Variants in HECA observed in about 807,000 individuals in gnomAD.
The protein encoded by HECA is headcase protein homolog.
Under a neutral mutation model 37.6 loss-of-function variants are expected in HECA, and 13 were observed. The observed-to-expected ratio is 0.35, with a 90% confidence interval of 0.23 to 0.55. The LOEUF (loss-of-function observed/expected upper bound fraction) is 0.55, where lower values mean the gene tolerates loss of function less well. Ranked by LOEUF, HECA falls within the 20% of genes least tolerant of loss-of-function variation. The pLI, the probability that HECA is intolerant of heterozygous loss-of-function variation, is 0.90. For synonymous variants in HECA, 307 were observed against 291.5 expected (o/e 1.05, Z -0.54); for missense variants, 527 against 701.9 (o/e 0.75, Z 2.82).
At chr6:139,165,891 G>T (rs73774996) in intron 1 of HECA, 3,236 of 165,096 alleles carry the variant, frequency 0.02, 120 homozygotes, top group African/African-American at 0.073. Context: ...AAGAATTCTG[G>T]TTTTTTCCTT....
In HECA at chr6:139,176,865, C is replaced by A; in HGVS notation, c.1468-76C>A. On this transcript the variant is annotated intron_variant, in intron 3 of 3. Transcript: ENST00000367658. This position sits in a 1 kb window ranked among gnomAD's most constrained non-coding sequence, Gnocchi z 4.5. ...GCAAAGCCCTTGATCAGTTTCCCAGCATTTTGGTTTGGATGACTTTGACAA... is the reference window on the plus strand; with the variant it reads ...GCAAAGCCCTTGATCAGTTTCCCAGAATTTTGGTTTGGATGACTTTGACAA... 3.8e-6 allele frequency: 3 copies of A among 780,206 alleles called. No homozygotes were observed. The highest frequency in any genetic ancestry group is 1.9e-5 in the Admixed American group (1 of 51,380). The allele number at this position is 780,206 out of a possible 1,614,324, so 48.3% of individuals were successfully genotyped here.
In HECA at chr6:139,167,009, AG is replaced by A. The variant is rs771658394; in HGVS notation, c.1004del (p.Gly335AspfsTer27). Reference protein sequence around the residue: ...DYSPAGLAVHRGGHFDTPVQF... With the variant: ...DYSPAGLAVHXGGHFDTPVQF... ...CAGCCCTGCGGGGTTGGCAGTTCAC[AG>A]GGGGGGACACTTCGACACCCCCGTG... On this transcript the variant is annotated frameshift_variant, in exon 2 of 4. Coordinates refer to ENST00000367658, the MANE Select transcript of HECA (RefSeq NM_016217.3). LOFTEE classifies it high-confidence loss of function. The A allele has an allele frequency of 1.9e-6, 3 of 1,613,992 alleles. No individual in the cohort carries two copies. Among genetic ancestry groups the A allele is most frequent in the African/African-American group, 1.3e-5 (1 of 74,924 alleles).
intron 1 of HECA, among the ~76,000 whole-genome samples, chr6:139,148,117 T>A (rs781382972): frequency 1.3e-5 from 2 of 152,224 alleles, no homozygotes; most frequent in Non-Finnish European, 2.9e-5. Flanking sequence ...TTTTGTCCAT[T>A]TTACTAATAG....
At chr6:139,175,581 T>C (rs1449559455) in intron 3 of HECA, among the ~76,000 whole-genome samples, 2 of 152,208 alleles carry the variant, frequency 1.3e-5, no homozygotes, top group Non-Finnish European at 2.9e-5. Context: ...GAAAGAACTT[T>C]TGAGCCTGTT....
At chr6:139,157,710 A>G (rs1293997236) in intron 1 of HECA, among the ~76,000 whole-genome samples, 1 of 152,222 alleles carries the variant, frequency 6.6e-6, no homozygotes, top group Non-Finnish European at 1.5e-5. Context: ...CAAGAGTAAT[A>G]TAGAGGGCTG....
chr6:139,164,987 C>T (rs985728911), intron 1 of HECA, among the ~76,000 whole-genome samples: 1 of 152,142 alleles, frequency 6.6e-6, no homozygotes, highest in Non-Finnish European at 1.5e-5. Context: ...ATAAAAATAT[C>T]CCAAGCTGTG....
chr6:139,167,288 G>T lies in HECA; in HGVS notation c.1276G>T (p.Asp426Tyr). ...TTTGTTCCTAAGCCCGTCGAGACAT[G>T]ATGAGATCGAATATGATGTTCCTTG... is the stretch of plus-strand genomic sequence containing the variant. ...GTLFLSPSRH[D>Y]EIEYDVPCHL... The change falls in exon 2 of 4, where the codon GAT becomes TAT. Residue 426 changes from aspartate (D) to tyrosine (Y), a missense_variant. By Grantham distance (160) the Asp-to-Tyr change is radical (BLOSUM62 -3). Coordinates refer to ENST00000367658, the MANE Select transcript of HECA (RefSeq NM_016217.3). 1 of 1,607,914 alleles carries T rather than the reference G, an allele frequency of 6.2e-7. No individual in the cohort carries two copies. The highest frequency in any genetic ancestry group is 8.5e-7 in the Non-Finnish European group (1 of 1,174,952).
chr6:139,161,331 G>A (rs965938903), intron 1 of HECA, among the ~76,000 whole-genome samples: 2 of 152,080 alleles, frequency 1.3e-5, no homozygotes, highest in African/African-American at 4.8e-5. Context: ...CTACCCACAA[G>A]GCCACATCAA....
rs543701720 is a variant in HECA, at chr6:139,157,148, C to T, written c.272-9136C>T. Among the ~76,000 whole-genome samples the T allele has an allele frequency of 1.2e-4, 18 of 152,320 alleles. No individual in the cohort carries two copies. In the South Asian group the frequency reaches 2.9e-3, roughly 25 times the overall value. On this transcript the variant is annotated intron_variant, in intron 1 of 3. Coordinates refer to ENST00000367658, the MANE Select transcript of HECA (RefSeq NM_016217.3). ...CCCCTTTTTAGACCATATAGGGTAA[C>T]TTCCTGACGTTGCCATGGCATTTGT...
chr6:139,166,051 A>T (rs925050313), intron 1 of HECA: 1 of 447,882 alleles, frequency 2.2e-6, no homozygotes, highest in South Asian at 4.6e-5. Context: ...CCTAAAGCTC[A>T]GGATGAAGGG....
chr6:139,175,810 C>G (rs996353067), intron 3 of HECA, among the ~76,000 whole-genome samples: 23 of 152,176 alleles, frequency 1.5e-4, no homozygotes, highest in African/African-American at 5.5e-4. Context: ...AAAAACAGAA[C>G]AGCATCCTGC....
rs751564590 is a variant in HECA at position 139,166,736 on chromosome 6, C to T, written c.724C>T (p.Arg242Trp). ...AGGCCCAAGCCACGACCTCCCCCGC[C>T]GGCATTCCATGGACCGGCAGAACTC... ...QKGPSHDLPR[R>W]HSMDRQNSQE... The change falls in exon 2 of 4, where the codon CGG becomes TGG. Residue 242 changes from arginine to tryptophan, a missense_variant. Physicochemically the swap from Arg to Trp is moderately radical, Grantham distance 101. Around this residue, in one of 4 missense-constraint regions of HECA, gnomAD observed 228 missense variants for 259.8 expected, o/e 0.88. Transcript: ENST00000367658. 1.5e-5 allele frequency: 24 copies of T among 1,613,040 alleles called. No homozygotes were observed. The highest frequency in any genetic ancestry group is 1.9e-5 in the Non-Finnish European group (23 of 1,179,632).
intron 1 of HECA, chr6:139,150,956 A>G (rs1774642869): frequency 6.6e-6 from 1 of 152,244 alleles, no homozygotes; most frequent in Admixed American, 6.5e-5. Context: ...GTGAACTGCT[A>G]GTTCACAACA....
intron 3 of HECA, among the ~76,000 whole-genome samples, chr6:139,175,462 T>C (rs909140769): frequency 6.6e-6 from 1 of 152,230 alleles, no homozygotes; most frequent in African/African-American, 2.4e-5. Flanking sequence ...CATTTTATGA[T>C]AGTTATTGTG....
chr6:139,142,365 ATC>A (rs907262662), intron 1 of HECA, among the ~76,000 whole-genome samples: 7 of 152,288 alleles, frequency 4.6e-5, no homozygotes, highest in African/African-American at 1.7e-4. Context: ...GACTTGCTAT[ATC>A]CAAGGATTAT....
In HECA at chr6:139,171,940, C is replaced by T. The variant is rs144175935; in HGVS notation, c.1313-2445C>T. Among the ~76,000 whole-genome samples the T allele has an allele frequency of 4.0e-3, 612 of 151,944 alleles. 2 individuals are homozygous for T. Among genetic ancestry groups the T allele is most frequent in the Middle Eastern group, 0.014 (4 of 294 alleles). On this transcript the variant is annotated intron_variant, in intron 2 of 3. Transcript: ENST00000367658. ...TTTGCTTCTGGGTTCAAGCGATTCT[C>T]CTGCCTCAGCCTCATGAGTAGCTGG...
intron 3 of HECA, among the ~76,000 whole-genome samples, chr6:139,175,164 A>G (rs1775033723): frequency 6.6e-6 from 1 of 152,210 alleles, no homozygotes; most frequent in Non-Finnish European, 1.5e-5. Flanking sequence ...AAGTATTCAC[A>G]TATGAAAACA....
chr6:139,163,007 C>T (rs1162378445), intron 1 of HECA, among the ~76,000 whole-genome samples: 1 of 152,230 alleles, frequency 6.6e-6, no homozygotes. Context: ...TGCCTTTTCA[C>T]CTCACTGTCT....
At position 139,176,182 on chromosome 6, in the gene HECA, T is replaced by C. The variant is rs1582952155; in HGVS notation, c.1468-759T>C. Among the ~76,000 whole-genome samples, 1 of 152,208 alleles carries C rather than the reference T, an allele frequency of 6.6e-6. No individual in the cohort carries two copies. Among genetic ancestry groups the C allele is most frequent in the Admixed American group, 6.5e-5 (1 of 15,282 alleles). On this transcript the variant is annotated intron_variant, in intron 3 of 3. Coordinates refer to ENST00000367658, the MANE Select transcript of HECA (RefSeq NM_016217.3). This position sits in a 1 kb window ranked among gnomAD's most constrained non-coding sequence, Gnocchi z 4.5. Reference sequence around the variant, plus strand: ...GCTGAGGATCAGCAGGCTGCTTTGGTTCACTCCAGCCTTGCTGCTTTCTAA... The same window carrying C: ...GCTGAGGATCAGCAGGCTGCTTTGGCTCACTCCAGCCTTGCTGCTTTCTAA...
Sources: gnomAD v4.1 joint callset for allele counts (sites outside exome capture counted in the v4.1 genomes callset) on GRCh38, gnomAD v4.1.1 for gene constraint, gnomAD v4.1.1 regional missense constraint, Gnocchi (gnomAD v3.1) non-coding constraint, MANE v1.5 for transcripts, NCBI Gene and HGNC (gene_info 2026-07-23, HGNC 2026-07-21) for gene names.